The following DMD variants were observed in gnomAD, a reference collection of about 807,000 sequenced individuals.
DMD encodes mutant dystrophin.
Under a neutral mutation model 330.1 loss-of-function variants are expected in DMD, and 63 were observed. The observed-to-expected ratio is 0.19, with a 90% CI of 0.16 to 0.24. The LOEUF (loss-of-function observed/expected upper bound fraction) is 0.24. Among genes scored for constraint, DMD ranks in the 10% least tolerant of loss-of-function variants. The pLI is 1.00. For missense variants in DMD, 3,344 were observed against 2,684.1 expected (o/e 1.25, Z -5.43); for synonymous variants, 1,223 against 959.8 (o/e 1.27, Z -5.07).
chrX:32,890,595 GA>G (rs1413385590), intron 2 of DMD, among the ~76,000 whole-genome samples: 1 of 111,284 alleles, frequency 9.0e-6, no homozygotes, highest in Admixed American at 9.6e-5. Flanking sequence ...GGCAACTGCT[GA>G]AAAACAAGCA....
intron 48 of DMD, among the ~76,000 whole-genome samples, chrX:31,843,157 T>C (rs1193492626): frequency 6.2e-5 from 7 of 112,194 alleles, no homozygotes; most frequent in Non-Finnish European, 1.1e-4. Flanking sequence ...GGCTTTTCTA[T>C]TGTGAATAGT....
At chrX:31,306,176 T>A (rs922656709) in intron 62 of DMD, among the ~76,000 whole-genome samples, 2 of 110,459 alleles carry the variant, frequency 1.8e-5, no homozygotes, top group African/African-American at 6.7e-5. Flanking sequence ...AATTAGGGTT[T>A]ATATAAAATT....
Position 31,827,155 on chromosome X carries a change from T to A in DMD, c.7201-7072A>T, listed in dbSNP as rs182376264. 2.2e-4 allele frequency among the ~76,000 whole-genome samples: 25 copies of A among 111,820 alleles called. No individual in the cohort carries two copies. In the East Asian group the frequency reaches 5.9e-3, roughly 26 times the overall value. On this transcript the variant is annotated intron_variant, in intron 49 of 78. Transcript: ENST00000357033. ...ATATTTAAGGTGATAGATACTGCAA[T>A]CACTCTGATTTGATCATTATATATT... is the stretch of plus-strand genomic sequence containing the variant.
intron 7 of DMD, among the ~76,000 whole-genome samples, chrX:32,780,008 C>T (rs896184476): frequency 5.4e-5 from 6 of 111,593 alleles, no homozygotes; most frequent in African/African-American, 2.0e-4. Context: ...TTCTCCCATA[C>T]AAGCCTGATA....
At chrX:32,820,803 A>T (rs1346514610) in intron 5 of DMD, among the ~76,000 whole-genome samples, 1 of 112,171 alleles carries the variant, frequency 8.9e-6, no homozygotes, top group African/African-American at 3.2e-5. Context: ...TAGCGATTTT[A>T]CAGAGTACCA....
intron 53 of DMD, among the ~76,000 whole-genome samples, chrX:31,674,174 G>A (rs2081959360): frequency 9.0e-6 from 1 of 111,600 alleles, no homozygotes; most frequent in African/African-American, 3.3e-5. Context: ...TTCCACTACC[G>A]TACATATTTT....
chrX:32,777,102 C>T (rs914330616), intron 7 of DMD, among the ~76,000 whole-genome samples: 3 of 107,523 alleles, frequency 2.8e-5, no homozygotes, highest in African/African-American at 1.0e-4. Context: ...ATGCAACACG[C>T]TCCACAATTA....
chrX:32,873,312 T>C (rs973125081), intron 2 of DMD, among the ~76,000 whole-genome samples: 1 of 110,111 alleles, frequency 9.1e-6, no homozygotes, highest in Non-Finnish European at 1.9e-5. Flanking sequence ...CTCGTTCACA[T>C]ACACACAGGC....
At chrX:31,824,408 T>C (rs1298179506) in intron 49 of DMD, among the ~76,000 whole-genome samples, 1 of 110,226 alleles carries the variant, frequency 9.1e-6, no homozygotes, top group African/African-American at 3.3e-5. Flanking sequence ...GATTACAGGC[T>C]CGCACCACCA....
intron 6 of DMD, among the ~76,000 whole-genome samples, chrX:32,814,845 G>A (rs889073256): frequency 2.7e-5 from 3 of 111,488 alleles, no homozygotes; most frequent in Non-Finnish European, 5.7e-5. Flanking sequence ...AAAAACGTTA[G>A]AGAGCCAACA....
At chrX:31,926,200 G>A (rs2094773351) in intron 47 of DMD, among the ~76,000 whole-genome samples, 2 of 111,395 alleles carry the variant, frequency 1.8e-5, no homozygotes, top group Admixed American at 9.6e-5. Flanking sequence ...GTTAAAGGCT[G>A]TAAAAGGTCA....
At chrX:32,051,954 A>G (rs1185780201) in intron 44 of DMD, among the ~76,000 whole-genome samples, 2 of 111,971 alleles carry the variant, frequency 1.8e-5, no homozygotes, top group Non-Finnish European at 3.8e-5. Context: ...CCACCTGTCC[A>G]TTGTAATGGA....
chrX:31,684,332 T>C (rs2148767329), intron 52 of DMD, among the ~76,000 whole-genome samples: 1 of 111,672 alleles, frequency 9.0e-6, no homozygotes, highest in East Asian at 2.8e-4. Context: ...TTGGGGAAAA[T>C]GGTCAAAAGA....
At chrX:32,039,315 C>T (rs2095979423) in intron 44 of DMD, among the ~76,000 whole-genome samples, 1 of 111,191 alleles carries the variant, frequency 9.0e-6, no homozygotes, top group Non-Finnish European at 1.9e-5. Flanking sequence ...ATTTTACAGG[C>T]GAGGGCACAA....
chrX:31,824,109 C>T (rs1289926572), intron 49 of DMD, among the ~76,000 whole-genome samples: 1 of 111,800 alleles, frequency 8.9e-6, no homozygotes, highest in Non-Finnish European at 1.9e-5. Flanking sequence ...ATCATATTCC[C>T]TCACCAGTGT....
At chrX:32,616,952 T>G (rs2057631257) in intron 11 of DMD, among the ~76,000 whole-genome samples, 2 of 109,879 alleles carry the variant, frequency 1.8e-5, no homozygotes, top group Admixed American at 9.8e-5. Context: ...TCTTCAACTT[T>G]TTTTTGAACT....
At chrX:32,729,236 A>C (rs757025461) in intron 7 of DMD, among the ~76,000 whole-genome samples, 2 of 112,081 alleles carry the variant, frequency 1.8e-5, no homozygotes, top group African/African-American at 6.5e-5. Flanking sequence ...TCGTATGTAT[A>C]ATAAAGATAT....
At chrX:32,835,135 A>G (rs1040105653) in intron 4 of DMD, among the ~76,000 whole-genome samples, 9 of 112,068 alleles carry the variant, frequency 8.0e-5, no homozygotes, top group Non-Finnish European at 1.3e-4. Context: ...ATATCCAAGG[A>G]AAGTTTAAAT....
chrX:32,861,110 A>G, intron 2 of DMD, among the ~76,000 whole-genome samples: 1 of 111,964 alleles, frequency 8.9e-6, no homozygotes, highest in African/African-American at 3.2e-5. Flanking sequence ...TACTCTTTTC[A>G]TCTATAGAAA....
Sources: gnomAD v4.1 joint callset for allele counts (sites outside exome capture counted in the v4.1 genomes callset) on GRCh38, gnomAD v4.1.1 for gene constraint, MANE v1.5 for transcripts, NCBI Gene and HGNC (gene_info 2026-07-23, HGNC 2026-07-21) for gene names.